Variants in SCN10A observed in about 807,000 individuals in gnomAD.
SCN10A encodes sodium voltage-gated channel alpha subunit 10.
A neutral mutation model predicts 170.7 loss-of-function variants in SCN10A; 162 were observed. The observed-to-expected ratio is 0.95, with a 90% CI of 0.84 to 1.08. The LOEUF is 1.08. Among genes scored for constraint, SCN10A ranks in the 50% least tolerant of loss-of-function variants. The pLI, the probability that SCN10A is intolerant of heterozygous loss-of-function variation, is 0.00. For missense variants in SCN10A, 2,527 were observed against 2,436.9 expected (o/e 1.04, Z -0.78); for synonymous variants, 985 against 904.6 (o/e 1.09, Z -1.59).
At chr3:38,807,214 A>G (rs1659496357) in intron 1 of SCN10A, among the ~76,000 whole-genome samples, 1 of 152,222 alleles carries the variant, frequency 6.6e-6, no homozygotes, top group Non-Finnish European at 1.5e-5. Context: ...ACTAATGTAG[A>G]TAATTATTTG....
rs770004970 is a variant in SCN10A at position 38,722,411 on chromosome 3, T to C, written c.3354A>G (p.Gly1118=). Residue 1118 remains glycine (G), a splice_region_variant and synonymous_variant, in exon 20 of 28, where the codon GGA becomes GGG. Coordinates refer to ENST00000449082, the MANE Select transcript of SCN10A (RefSeq NM_006514.4). ...LEEPDDCFTE[G]CIRHCPCCKL... is the part of the protein sequence containing the mutation. ...TGCAGCAGGGACAGTGGCGAATGCATCCTGTGGGGAGAGGTGACTGATGGT... is the reference window on the plus strand; with the variant it reads ...TGCAGCAGGGACAGTGGCGAATGCACCCTGTGGGGAGAGGTGACTGATGGT... 8.7e-6 allele frequency: 14 copies of C among 1,613,034 alleles called. No homozygotes were observed. In the Admixed American group the frequency reaches 2.3e-4, roughly 27 times the overall value.
At chr3:38,783,515 T>A (rs895276946) in intron 4 of SCN10A, among the ~76,000 whole-genome samples, 3 of 152,130 alleles carry the variant, frequency 2.0e-5, no homozygotes, top group Non-Finnish European at 4.4e-5. Context: ...AGACTCATCC[T>A]TATTGTTGTG....
At chr3:38,787,758 G>C (rs746879575) in intron 4 of SCN10A, among the ~76,000 whole-genome samples, 1 of 152,038 alleles carries the variant, frequency 6.6e-6, no homozygotes, top group Non-Finnish European at 1.5e-5. Context: ...TGCCATGGTG[G>C]TTTGCTGCAC....
In SCN10A at chr3:38,726,888, G is replaced by C; in HGVS notation, c.2805C>G (p.Ser935=). Residue 935 remains serine (S), a synonymous_variant, in exon 17 of 28, where the codon TCC becomes TCG. Transcript: ENST00000449082. The stretch of plus-strand genomic sequence containing the variant: ...CTGCCTTGGGCTGGGGGAATGGGCA[G>C]GACCTGCTGAAGAAGCTGCAAAGAG... ...KQALCSFFSR[S]CPFPQPKAEP... 1 of 1,614,236 alleles carries C rather than the reference G, an allele frequency of 6.2e-7. No homozygotes were observed. The highest frequency in any genetic ancestry group is 8.5e-7 in the Non-Finnish European group (1 of 1,180,048).
At chr3:38,765,346 T>C (rs2063920188) in intron 5 of SCN10A, among the ~76,000 whole-genome samples, 1 of 152,192 alleles carries the variant, frequency 6.6e-6, no homozygotes, top group African/African-American at 2.4e-5. Context: ...TAATTTCAGG[T>C]CTTAGATTTA....
At position 38,771,932 on chromosome 3, in the gene SCN10A, G is replaced by A. The variant is rs2064005355; in HGVS notation, c.471-525C>T. Among the ~76,000 whole-genome samples, 3 of 152,212 alleles carry A rather than the reference G, an allele frequency of 2.0e-5. No individual in the cohort carries two copies. In the South Asian group the frequency reaches 6.2e-4, roughly 32 times the overall value. The stretch of plus-strand genomic sequence containing the variant: ...TTAGAGATGCTAAGTATCTCTGAAA[G>A]CAAGGTTTGGGGGAGGGTGATAAGT... On this transcript the variant is annotated intron_variant, in intron 4 of 27. Transcript: ENST00000449082.
At chr3:38,707,867 A>G (rs2063227538) in intron 25 of SCN10A, among the ~76,000 whole-genome samples, 1 of 152,172 alleles carries the variant, frequency 6.6e-6, no homozygotes, top group South Asian at 2.1e-4. Context: ...TTACTGCCTT[A>G]TCCTTGGGTC....
At chr3:38,758,371 C>T (rs967961278) in intron 8 of SCN10A, among the ~76,000 whole-genome samples, 5 of 152,338 alleles carry the variant, frequency 3.3e-5, no homozygotes, top group Admixed American at 2.6e-4. Context: ...AGAAATCCAC[C>T]ATAGCCACTG....
intron 26 of SCN10A, among the ~76,000 whole-genome samples, chr3:38,706,416 T>C (rs2063211923): frequency 6.6e-6 from 1 of 152,234 alleles, no homozygotes. Context: ...TCACTAATGC[T>C]GCATCTTAGC....
In SCN10A at chr3:38,742,443, C is replaced by G. The variant is rs904281640; in HGVS notation, c.1954G>C (p.Val652Leu). ...YLIWDCCPMW[V>L]KLKTILFGLV... ...CCAAAGAGAATTGTCTTGAGCTTCA[C>G]CCACATGGGGCAGCAATCCCAGATC... The change falls in exon 14 of 28, where the codon GTG (valine) becomes CTG (leucine). Residue 652 changes from valine to leucine, a missense_variant. Coordinates refer to ENST00000449082, the MANE Select transcript of SCN10A (RefSeq NM_006514.4). The G allele has an allele frequency of 5.0e-6, 8 of 1,614,172 alleles. No homozygotes were observed. Among genetic ancestry groups the G allele is most frequent in the Non-Finnish European group, 6.8e-6 (8 of 1,180,038 alleles).
chr3:38,775,945 C>T (rs921362735), intron 4 of SCN10A, among the ~76,000 whole-genome samples: 10 of 151,940 alleles, frequency 6.6e-5, no homozygotes, highest in Admixed American at 5.9e-4. Flanking sequence ...GTCTTCTCAA[C>T]CTTTAACATA....
At chr3:38,720,192 G>T (rs975430141) in intron 20 of SCN10A, among the ~76,000 whole-genome samples, 1 of 152,196 alleles carries the variant, frequency 6.6e-6, no homozygotes. Flanking sequence ...ATTATCCAAC[G>T]TCTCTAAGGG....
At chr3:38,758,721 G>A (rs1026836880) in intron 8 of SCN10A, among the ~76,000 whole-genome samples, 3 of 152,214 alleles carry the variant, frequency 2.0e-5, no homozygotes, top group Non-Finnish European at 2.9e-5. Flanking sequence ...CACTCTGTCC[G>A]TTATCCTGAG....
chr3:38,729,813 G>A lies in SCN10A; in HGVS notation c.2281-912C>T, dbSNP rs2063496691. Among the ~76,000 whole-genome samples, 3 of 152,210 alleles carry A rather than the reference G, an allele frequency of 2.0e-5. No homozygotes were observed. The South Asian group carries it at 6.2e-4, about 31-fold the overall frequency. ...CAGGCTGTGGCTTAGGTGCTAGGAT[G>A]CAATGCTGAACACAACAGTGTAGCT... On this transcript the variant is annotated intron_variant, in intron 15 of 27. Transcript: ENST00000449082.
At chr3:38,756,081 C>T in intron 10 of SCN10A, 123 bp from the exon 11 acceptor site, 1 of 1,050,016 alleles carries the variant, frequency 9.5e-7, no homozygotes, top group Admixed American at 2.0e-5. Context: ...GGGTTAGGAC[C>T]AGGGTGGTGG....
chr3:38,725,109 T>G, intron 18 of SCN10A, 65 bp downstream of exon 18: 1 of 1,455,166 alleles, frequency 6.9e-7, no homozygotes, highest in Non-Finnish European at 9.3e-7. Flanking sequence ...CCCTCCAGCC[T>G]CTACCAGCCC....
intron 27 of SCN10A, among the ~76,000 whole-genome samples, chr3:38,699,136 C>G (rs1369267583): frequency 6.6e-6 from 1 of 151,100 alleles, no homozygotes; most frequent in East Asian, 1.9e-4. Flanking sequence ...ATTCGGGCAA[C>G]TGGCTGACAG....
intron 13 of SCN10A, among the ~76,000 whole-genome samples, chr3:38,747,264 C>T (rs1408029559): frequency 6.6e-6 from 1 of 152,150 alleles, no homozygotes; most frequent in Non-Finnish European, 1.5e-5. Flanking sequence ...TCCTTTTTAT[C>T]AGTTCACACT....
intron 4 of SCN10A, among the ~76,000 whole-genome samples, chr3:38,771,891 C>T (rs531726594): frequency 6.6e-6 from 1 of 152,150 alleles, no homozygotes; most frequent in Non-Finnish European, 1.5e-5. Context: ...TGCAGAGCCC[C>T]AGAACTGCTT....
Sources: gnomAD v4.1 joint callset for allele counts (sites outside exome capture counted in the v4.1 genomes callset) on GRCh38, gnomAD v4.1.1 for gene constraint, MANE v1.5 for transcripts, NCBI Gene and HGNC (gene_info 2026-07-23, HGNC 2026-07-21) for gene names.